The following CHL1 variants were observed in gnomAD, a reference collection of about 807,000 sequenced individuals.
CHL1 encodes neural cell adhesion molecule L1-like protein.
A neutral mutation model predicts 141.9 loss-of-function variants in CHL1; 96 were observed. The observed-to-expected ratio is 0.68, with a 90% CI of 0.57 to 0.80. The LOEUF is 0.80. CHL1 is among the 30% of genes least tolerant of loss of function. The probability of loss-of-function intolerance (pLI) is 0.00; values close to 1 mark genes in which losing one functional copy is unlikely to be tolerated. For synonymous variants in CHL1, 613 were observed against 502.2 expected (o/e 1.22, Z -2.95); for missense variants, 1,820 against 1,457.2 (o/e 1.25, Z -4.05).
chr3:395,259 C>T (rs1008344546), intron 24 of CHL1, among the ~76,000 whole-genome samples: 6 of 152,186 alleles, frequency 3.9e-5, no homozygotes, highest in African/African-American at 1.2e-4. Context: ...CATTGGTAGA[C>T]ATTACAGATC....
At chr3:339,176 G>A (rs569996476) in intron 5 of CHL1, among the ~76,000 whole-genome samples, 45 of 152,262 alleles carry the variant, frequency 3.0e-4, no homozygotes, top group Non-Finnish European at 4.9e-4. Context: ...AAGTTACAGC[G>A]AATAAAACTA....
At chr3:385,163 C>G (rs1051185902) in intron 19 of CHL1, among the ~76,000 whole-genome samples, 1 of 152,072 alleles carries the variant, frequency 6.6e-6, no homozygotes, top group African/African-American at 2.4e-5. Context: ...ATTATCCTCC[C>G]TTAAGTTCCA....
intron 1 of CHL1, among the ~76,000 whole-genome samples, chr3:219,668 G>A (rs982051276): frequency 6.6e-6 from 1 of 152,138 alleles, no homozygotes; most frequent in African/African-American, 2.4e-5. Context: ...ACACTTAGAG[G>A]AGAACAACAC....
chr3:367,991 C>G (rs1433342294), intron 15 of CHL1, among the ~76,000 whole-genome samples: 1 of 152,150 alleles, frequency 6.6e-6, no homozygotes, highest in African/African-American at 2.4e-5. Context: ...TTTATCCAGC[C>G]TACCACTGAT....
intron 15 of CHL1, among the ~76,000 whole-genome samples, chr3:371,786 T>A (rs1705668282): frequency 6.6e-6 from 1 of 152,212 alleles, no homozygotes; most frequent in Non-Finnish European, 1.5e-5. Context: ...CGGGAGATCT[T>A]GCAAGGCAGG....
chr3:269,689 C>G (rs1333930486), intron 2 of CHL1, among the ~76,000 whole-genome samples: 1 of 152,160 alleles, frequency 6.6e-6, no homozygotes, highest in Non-Finnish European at 1.5e-5. Context: ...CTATGCCCAG[C>G]TAATTTTATC....
intron 27 of CHL1, among the ~76,000 whole-genome samples, chr3:402,981 G>T (rs539549187): frequency 2.6e-5 from 4 of 152,288 alleles, no homozygotes; most frequent in South Asian, 4.1e-4. Flanking sequence ...ACATGGCTTA[G>T]ATGGGTACTT....
chr3:399,451 C>A (rs1218567327), intron 26 of CHL1, among the ~76,000 whole-genome samples: 2 of 151,978 alleles, frequency 1.3e-5, no homozygotes, highest in African/African-American at 4.8e-5. Flanking sequence ...ACCATCCTGG[C>A]CAACATGATG....
At chr3:345,926 T>C (rs1198438575) in intron 9 of CHL1, among the ~76,000 whole-genome samples, 3 of 152,212 alleles carry the variant, frequency 2.0e-5, no homozygotes, top group Admixed American at 2.0e-4. Flanking sequence ...CAGGGTCTCC[T>C]ATTTTTACCA....
Position 297,235 on chromosome 3 carries a change from A to G in CHL1, c.-94-22448A>G, listed in dbSNP as rs569468858. Among the ~76,000 whole-genome samples the G allele has an allele frequency of 1.1e-4, 17 of 152,262 alleles. No homozygotes were observed. The East Asian group carries it at 1.9e-3, about 17-fold the overall frequency. ...AGTGAGACCTCGTCTTAAGAAAATA[A>G]ATAAAATAAAATAAATATAAGGGAT... On this transcript the variant is annotated intron_variant, in intron 2 of 27. Transcript: ENST00000256509.
intron 22 of CHL1, 45 bp downstream of exon 22, chr3:391,204 C>T: frequency 7.0e-7 from 1 of 1,427,772 alleles, no homozygotes; most frequent in Non-Finnish European, 9.9e-7. Context: ...TGGAGGTGAT[C>T]CATGGCCATA....
intron 5 of CHL1, among the ~76,000 whole-genome samples, chr3:333,124 A>T (rs377222700): frequency 4.6e-3 from 381 of 83,236 alleles, no homozygotes; most frequent in Admixed American, 7.2e-3. Context: ...TAATTGCTCT[A>T]TTTTTTTTAT....
chr3:326,989 A>G (rs1209524454), intron 4 of CHL1, among the ~76,000 whole-genome samples: 2 of 151,946 alleles, frequency 1.3e-5, no homozygotes, highest in Non-Finnish European at 2.9e-5. Flanking sequence ...TAGAATTACA[A>G]TGGAATTAAG....
chr3:215,091 A>G (rs1162614471), intron 1 of CHL1, among the ~76,000 whole-genome samples: 1 of 152,190 alleles, frequency 6.6e-6, no homozygotes, highest in East Asian at 1.9e-4. Flanking sequence ...AATATGTTGA[A>G]GAGATACTAT....
intron 1 of CHL1, among the ~76,000 whole-genome samples, chr3:242,531 G>A (rs952078998): frequency 1.2e-4 from 18 of 152,096 alleles, no homozygotes; most frequent in Admixed American, 6.6e-4. Context: ...GGGAGGCAGA[G>A]CTTGCAGTGA....
chr3:237,664 A>G (rs1692125139), intron 1 of CHL1, among the ~76,000 whole-genome samples: 1 of 152,234 alleles, frequency 6.6e-6, no homozygotes, highest in Non-Finnish European at 1.5e-5. Flanking sequence ...AATCATACCT[A>G]ACTTAATTGA....
At chr3:380,310 A>G (rs1706879183) in intron 16 of CHL1, among the ~76,000 whole-genome samples, 2 of 152,198 alleles carry the variant, frequency 1.3e-5, no homozygotes, top group Non-Finnish European at 2.9e-5. Context: ...GTCAATGTAA[A>G]TTTCTAACAA....
chr3:206,745 C>T (rs963481077), intron 1 of CHL1, among the ~76,000 whole-genome samples: 2 of 152,136 alleles, frequency 1.3e-5, no homozygotes, highest in Non-Finnish European at 2.9e-5. Flanking sequence ...TCTGACTCTT[C>T]CTGTACCAGA....
intron 2 of CHL1, 90 bp from the exon 3 acceptor site, chr3:319,593 A>G: frequency 6.9e-6 from 1 of 145,140 alleles, no homozygotes; most frequent in Non-Finnish European, 1.4e-5. Flanking sequence ...TGCCAAACCA[A>G]AAAAAAAAAA....
Sources: gnomAD v4.1 joint callset for allele counts (sites outside exome capture counted in the v4.1 genomes callset) on GRCh38, gnomAD v4.1.1 for gene constraint, MANE v1.5 for transcripts, NCBI Gene and HGNC (gene_info 2026-07-23, HGNC 2026-07-21) for gene names.